FRYL: variants seen among roughly 807,000 people sequenced by gnomAD.
FRYL encodes the protein protein furry homolog-like.
In FRYL, 150 loss-of-function variants were observed where a neutral mutation model predicts 351.2. The ratio of observed to expected loss-of-function variants is 0.43; its 90% CI spans 0.37 to 0.49. The LOEUF is 0.49. FRYL is among the 20% of genes least tolerant of loss of function. FRYL has a pLI of 0.00. For synonymous variants in FRYL, 1,153 were observed against 1,257.1 expected, an observed-to-expected ratio of 0.92 and a Z score of 1.75; for missense variants, 3,036 against 3,619.3, an observed-to-expected ratio of 0.84 and a Z score of 4.13.
chr4:48,674,053 G>A (rs1414716860), intron 3 of FRYL, among the ~76,000 whole-genome samples: 1 of 152,136 alleles, frequency 6.6e-6, no homozygotes, highest in Non-Finnish European at 1.5e-5. Context: ...TGTTCTTGAT[G>A]AATTTTATAA....
chr4:48,774,627 C>T (rs1412877358), intron 1 of FRYL, among the ~76,000 whole-genome samples: 1 of 151,592 alleles, frequency 6.6e-6, no homozygotes, highest in African/African-American at 2.4e-5. Flanking sequence ...CTCACTGCAA[C>T]TTCCGCCTCC....
intron 35 of FRYL, among the ~76,000 whole-genome samples, chr4:48,554,041 C>T (rs988868816): frequency 3.9e-5 from 6 of 152,136 alleles, no homozygotes; most frequent in Non-Finnish European, 5.9e-5. Context: ...GCTAGTAACA[C>T]AGTATAAGTA....
At chr4:48,726,380 C>T (rs750105522) in intron 1 of FRYL, among the ~76,000 whole-genome samples, 1 of 152,160 alleles carries the variant, frequency 6.6e-6, no homozygotes, top group African/African-American at 2.4e-5. Flanking sequence ...GAGAAGTGAC[C>T]TATAAATTTC....
intron 47 of FRYL, among the ~76,000 whole-genome samples, chr4:48,539,607 C>T (rs1220980982): frequency 6.6e-6 from 1 of 150,982 alleles, no homozygotes; most frequent in Non-Finnish European, 1.5e-5. Context: ...TGATAAAGTA[C>T]ACTATCTACT....
chr4:48,733,013 T>C (rs1291711163), intron 1 of FRYL, among the ~76,000 whole-genome samples: 4 of 151,486 alleles, frequency 2.6e-5, no homozygotes. Flanking sequence ...TGGTGGCTCA[T>C]GCCTGTAATC....
chr4:48,602,182 A>C, intron 12 of FRYL, 61 bp from the exon 13 acceptor site: 1 of 825,564 alleles, frequency 1.2e-6, no homozygotes, highest in South Asian at 1.5e-5. Context: ...TGGACTTTTA[A>C]ATTTTATATT....
chr4:48,557,207 T>A (rs1734311862), intron 34 of FRYL, 89 bp from the exon 35 acceptor site: 2 of 1,453,398 alleles, frequency 1.4e-6, no homozygotes, highest in African/African-American at 2.8e-5. Context: ...TAAAAAATGT[T>A]TTGTACAGAT....
rs137883068 is a variant in FRYL, at chr4:48,721,507, A to G, written c.-383-10809T>C. Among the ~76,000 whole-genome samples the G allele has an allele frequency of 7.2e-5, 11 of 152,248 alleles. No individual in the cohort carries two copies. In the East Asian group the frequency reaches 2.1e-3, roughly 29 times the overall value. ...GAGACCCCATCTCTATAAGAAGTAA[A>G]ATAAATTAAAAAATAAAAGGTGGAA... On this transcript the variant is annotated intron_variant, in intron 1 of 63. Coordinates refer to ENST00000358350, the MANE Select transcript of FRYL (RefSeq NM_015030.2).
chr4:48,605,522 T>C (rs1436281978), intron 11 of FRYL, among the ~76,000 whole-genome samples: 14 of 152,186 alleles, frequency 9.2e-5, no homozygotes, highest in Admixed American at 9.2e-4. Context: ...CCCTACCATC[T>C]GCAACAACCA....
At chr4:48,716,442 A>C (rs1768838771) in intron 1 of FRYL, among the ~76,000 whole-genome samples, 1 of 151,316 alleles carries the variant, frequency 6.6e-6, no homozygotes, top group Non-Finnish European at 1.5e-5. Context: ...AAAAACAAAC[A>C]ACCCCGTCAG....
chr4:48,657,353 C>CTT (rs371640944), intron 3 of FRYL, among the ~76,000 whole-genome samples: 1,493 of 122,242 alleles, frequency 0.012, 16 homozygotes, highest in East Asian at 0.023. Flanking sequence ...CTTTTCTTTT[C>CTT]TTTTTTTTTT....
At chr4:48,721,970 G>A (rs1007904095) in intron 1 of FRYL, among the ~76,000 whole-genome samples, 6 of 152,146 alleles carry the variant, frequency 3.9e-5, no homozygotes, top group African/African-American at 1.4e-4. Context: ...GCTCAGAAAT[G>A]GGGAGGCTTT....
intron 2 of FRYL, among the ~76,000 whole-genome samples, chr4:48,702,773 A>AAAAG (rs10679058): frequency 0.95 from 132,790 of 139,204 alleles, 63,677 homozygotes; most frequent in South Asian, 0.99. Context: ...AAAAAAAAAA[A>AAAAG]AAAGAAAAAG....
intron 1 of FRYL, among the ~76,000 whole-genome samples, chr4:48,764,521 A>T (rs1461911837): frequency 6.6e-6 from 1 of 150,626 alleles, no homozygotes; most frequent in Non-Finnish European, 1.5e-5. Context: ...ACAAAGCGAG[A>T]CTCTGTTTCA....
chr4:48,578,920 A>G, intron 23 of FRYL, 53 bp downstream of exon 23: 4 of 1,452,914 alleles, frequency 2.8e-6, no homozygotes, highest in Non-Finnish European at 3.7e-6. Context: ...ATAAATACAT[A>G]TGAAAGCTGA....
At chr4:48,521,504 T>C (rs1449717953) in intron 54 of FRYL, among the ~76,000 whole-genome samples, 1 of 152,222 alleles carries the variant, frequency 6.6e-6, no homozygotes, top group African/African-American at 2.4e-5. Context: ...AAATTCATAT[T>C]GGAGCTGAAT....
intron 1 of FRYL, among the ~76,000 whole-genome samples, chr4:48,769,534 T>C (rs998681660): frequency 3.9e-5 from 6 of 152,240 alleles, no homozygotes; most frequent in Non-Finnish European, 7.3e-5. Context: ...GGTAGTTTCT[T>C]ATAAAACTAA....
intron 30 of FRYL, among the ~76,000 whole-genome samples, chr4:48,564,485 G>T (rs1293253369): frequency 6.6e-6 from 1 of 152,318 alleles, no homozygotes; most frequent in South Asian, 2.1e-4. Context: ...GGGAAAAAAT[G>T]TAAGTCCTAT....
At chr4:48,554,081 T>G (rs1267843040) in intron 35 of FRYL, among the ~76,000 whole-genome samples, 1 of 152,196 alleles carries the variant, frequency 6.6e-6, no homozygotes, top group Non-Finnish European at 1.5e-5. Flanking sequence ...TATACATATG[T>G]TTTAGTAATG....
Sources: allele counts gnomAD v4.1 joint callset (sites outside exome capture counted in the v4.1 genomes callset), GRCh38; gene constraint gnomAD v4.1.1; transcripts MANE v1.5; gene names NCBI Gene and HGNC (gene_info 2026-07-23, HGNC 2026-07-21).